The following NUP93 variants were observed in gnomAD, a reference collection of about 807,000 sequenced individuals.
NUP93 encodes the protein nucleoporin 93.
Under a neutral mutation model 107.8 loss-of-function variants are expected in NUP93, and 55 were observed. The ratio of observed to expected loss-of-function variants is 0.51; its 90% confidence interval spans 0.41 to 0.64. The LOEUF (loss-of-function observed/expected upper bound fraction) is 0.64. Among genes scored for constraint, NUP93 ranks in the 30% least tolerant of loss-of-function variants. The pLI is 0.00. For missense variants in NUP93, 937 were observed against 1,044.7 expected, an observed-to-expected ratio of 0.90 and a Z score of 1.42; for synonymous variants, 390 against 397.5, an observed-to-expected ratio of 0.98 and a Z score of 0.22.
chr16:56,835,009 T>C (rs1480721036), intron 16 of NUP93, among the ~76,000 whole-genome samples: 1 of 152,258 alleles, frequency 6.6e-6, no homozygotes, highest in East Asian at 1.9e-4. Flanking sequence ...TTTTTTATTA[T>C]GTTCAGAATA....
intron 3 of NUP93, among the ~76,000 whole-genome samples, chr16:56,771,385 G>C (rs748495783): frequency 6.6e-6 from 1 of 152,156 alleles, no homozygotes; most frequent in South Asian, 2.1e-4. Flanking sequence ...ATACCTTGTC[G>C]TGTAGTCTTA....
intron 1 of NUP93, among the ~76,000 whole-genome samples, chr16:56,736,571 C>G (rs1396371524): frequency 5.9e-5 from 9 of 152,094 alleles, no homozygotes; most frequent in Admixed American, 5.9e-4. Flanking sequence ...CACAGAGATG[C>G]AAAGGAACAG....
intron 11 of NUP93, 41 bp from the exon 12 acceptor site, chr16:56,832,252 GGT>G (rs751379349): frequency 2.5e-5 from 37 of 1,505,102 alleles, no homozygotes; most frequent in Non-Finnish European, 3.1e-5. Context: ...TGTGGCTCAG[GGT>G]GTCATTTGTA....
At chr16:56,828,289 A>AATTAT (rs2144624154) in intron 8 of NUP93, among the ~76,000 whole-genome samples, 1 of 152,180 alleles carries the variant, frequency 6.6e-6, no homozygotes, top group African/African-American at 2.4e-5. Flanking sequence ...GTGGCTTGAC[A>AATTAT]ATTATATTTT....
intron 1 of NUP93, among the ~76,000 whole-genome samples, chr16:56,743,986 C>T (rs1362961479): frequency 6.6e-6 from 1 of 152,186 alleles, no homozygotes; most frequent in Non-Finnish European, 1.5e-5. Flanking sequence ...CCCAATCACG[C>T]TCAAGGGCTT....
chr16:56,837,474 A>G (rs766661464), intron 17 of NUP93, 134 bp from the exon 18 acceptor site: 75 of 651,800 alleles, frequency 1.2e-4, no homozygotes, highest in Non-Finnish European at 1.6e-4. Context: ...GAGGCACGAG[A>G]ATTGCTTGAA....
At chr16:56,808,114 TA>T (rs1311950277) in intron 5 of NUP93, among the ~76,000 whole-genome samples, 30 of 129,084 alleles carry the variant, frequency 2.3e-4, no homozygotes, top group South Asian at 6.9e-4. Context: ...TATAAATATA[TA>T]TTATATAACT....
In NUP93 at chr16:56,830,806, G is replaced by A. The variant is rs1963769037; in HGVS notation, c.1085+121G>A. 6.3e-6 allele frequency: 6 copies of A among 953,562 alleles called. No individual in the cohort carries two copies. In the East Asian group the frequency reaches 8.3e-5, roughly 13 times the overall value. The allele number at this position is 953,562 out of a possible 1,614,324, so 59.1% of individuals were successfully genotyped here. A position where few individuals can be genotyped will look rare whatever the true frequency, so the allele number is the denominator to read the frequency against. On this transcript the variant is annotated intron_variant, in intron 10 of 21. Coordinates refer to ENST00000308159, the MANE Select transcript of NUP93 (RefSeq NM_014669.5). The stretch of plus-strand genomic sequence containing the variant: ...AACAAGTTTCTGCTTGGGGGAAAAA[G>A]GAAGTTTTGAAAGCAAATAGAACTC...
At chr16:56,825,798 A>G (rs1335764617) in intron 8 of NUP93, among the ~76,000 whole-genome samples, 6 of 152,198 alleles carry the variant, frequency 3.9e-5, no homozygotes, top group Non-Finnish European at 4.4e-5. Context: ...CTCTAGTGGC[A>G]TCACTCTCTC....
At chr16:56,822,848 G>C (rs140737212) in intron 7 of NUP93, among the ~76,000 whole-genome samples, 54 of 152,180 alleles carry the variant, frequency 3.5e-4, no homozygotes, top group African/African-American at 1.3e-3. Context: ...AGAAAGTCAG[G>C]TTTCACCAAT....
intron 4 of NUP93, among the ~76,000 whole-genome samples, chr16:56,801,311 G>C (rs1963016269): frequency 6.6e-6 from 1 of 152,202 alleles, no homozygotes; most frequent in Non-Finnish European, 1.5e-5. Context: ...ATGGGTGGCT[G>C]ATCATCCCTG....
At position 56,846,715 on chromosome 16, in the gene NUP93, TAAAAA is replaced by T; in HGVS notation, c.*2107_*2111del. ...ATGGAGTGAGGCTCTGATTCAAAAA[TAAAAA>T]TAAGAGTACTCTGTGGACTTTTCAT... On this transcript the variant is annotated 3_prime_UTR_variant, in exon 22 of 22. Transcript: ENST00000308159. 1 of 152,284 alleles carries T rather than the reference TAAAAA, an allele frequency of 6.6e-6. No individual in the cohort carries two copies. The highest frequency in any genetic ancestry group is 1.5e-5 in the Non-Finnish European group (1 of 68,014). 9.4% of individuals were successfully genotyped at this position (152,284 alleles called of 1,614,324 possible). A position where few individuals can be genotyped will look rare whatever the true frequency, so the allele number is the denominator to read the frequency against.
intron 4 of NUP93, among the ~76,000 whole-genome samples, chr16:56,799,832 T>G (rs1962982733): frequency 6.6e-6 from 1 of 152,214 alleles, no homozygotes; most frequent in African/African-American, 2.4e-5. Context: ...GCCAGCTCCA[T>G]TTTATAAGGA....
chr16:56,765,607 G>A (rs1186651325), intron 3 of NUP93, among the ~76,000 whole-genome samples: 1 of 152,190 alleles, frequency 6.6e-6, no homozygotes, highest in Non-Finnish European at 1.5e-5. Context: ...ATCTTACTGT[G>A]CCCTGTTCTG....
Position 56,837,644 on chromosome 16 carries a change from C to T in NUP93, c.1936C>T (p.Leu646=). ...GGTACTGGAGCTGATGAACAAACTGCTGAGCCCTGTCGTCCCCCAGATCAG... is the reference window on the plus strand; with the variant it reads ...GGTACTGGAGCTGATGAACAAACTGTTGAGCCCTGTCGTCCCCCAGATCAG... ...DKVLELMNKL[L]SPVVPQISAP... is the part of the protein sequence containing the mutation. Residue 646 remains leucine (L), a synonymous_variant, in exon 18 of 22, where the codon CTG becomes TTG. Coordinates refer to ENST00000308159, the MANE Select transcript of NUP93 (RefSeq NM_014669.5). The T allele has an allele frequency of 6.2e-7, 1 of 1,614,152 alleles. No individual in the cohort carries two copies. Among genetic ancestry groups the T allele is most frequent in the Non-Finnish European group, 8.5e-7 (1 of 1,180,002 alleles).
rs745463249 is a variant in NUP93 at position 56,847,634 on chromosome 16, TCAACAA to T, written c.*3031_*3036del. 6.6e-6 allele frequency: 1 copy of T among 152,158 alleles called. No homozygotes were observed. The highest frequency in any genetic ancestry group is 1.5e-5 in the Non-Finnish European group (1 of 68,028). 9.4% of individuals were successfully genotyped at this position (152,158 alleles called of 1,614,324 possible). A position where few individuals can be genotyped will look rare whatever the true frequency, so the allele number is the denominator to read the frequency against. On this transcript the variant is annotated 3_prime_UTR_variant, in exon 22 of 22. Coordinates refer to ENST00000308159, the MANE Select transcript of NUP93 (RefSeq NM_014669.5). ...ATTTCACAGATTCTCTTCTTTTGGCTCAACAACAACAGCAACAAAAAACTCTTTGAC... is the reference window on the plus strand; with the variant it reads ...ATTTCACAGATTCTCTTCTTTTGGCTCAACAGCAACAAAAAACTCTTTGAC...
At chr16:56,773,505 C>T (rs1251699625) in intron 3 of NUP93, among the ~76,000 whole-genome samples, 2 of 152,208 alleles carry the variant, frequency 1.3e-5, no homozygotes, top group African/African-American at 4.8e-5. Flanking sequence ...TTAATTTCCT[C>T]CTCCATTCCT....
chr16:56,821,901 A>G (rs1391082864), intron 7 of NUP93, among the ~76,000 whole-genome samples: 1 of 150,024 alleles, frequency 6.7e-6, no homozygotes, highest in East Asian at 1.9e-4. Flanking sequence ...TACACAATCT[A>G]GTAGGCTCCT....
chr16:56,753,098 G>A (rs189167192), intron 2 of NUP93, among the ~76,000 whole-genome samples: 39 of 152,062 alleles, frequency 2.6e-4, no homozygotes, highest in Non-Finnish European at 3.4e-4. Context: ...CTCATTGATC[G>A]CCTTTGGAGA....
Sources: allele counts gnomAD v4.1 joint callset (sites outside exome capture counted in the v4.1 genomes callset), GRCh38; gene constraint gnomAD v4.1.1; transcripts MANE v1.5; gene names NCBI Gene and HGNC (gene_info 2026-07-23, HGNC 2026-07-21).